PALS1: variants seen among roughly 807,000 people sequenced by gnomAD.
The protein encoded by PALS1 is protein PALS1.
A neutral mutation model predicts 78.9 loss-of-function variants in PALS1; 31 were observed. That is an observed-to-expected ratio of 0.39 (90% CI 0.30 to 0.53). The LOEUF (loss-of-function observed/expected upper bound fraction) is 0.53. PALS1 is among the 20% of genes least tolerant of loss of function. PALS1 has a pLI of 0.67. For missense variants in PALS1, 704 were observed against 826.5 expected, an observed-to-expected ratio of 0.85 and a Z score of 1.82; for synonymous variants, 276 against 270.9, an observed-to-expected ratio of 1.02 and a Z score of -0.18.
intron 3 of PALS1, among the ~76,000 whole-genome samples, chr14:67,290,263 TAAAG>T (rs1338745863): frequency 6.6e-6 from 1 of 151,986 alleles, no homozygotes; most frequent in Non-Finnish European, 1.5e-5. Context: ...GAGAAACTTT[TAAAG>T]AAAGATCAGG....
At chr14:67,281,325 A>T (rs2084606424) in intron 3 of PALS1, among the ~76,000 whole-genome samples, 1 of 152,212 alleles carries the variant, frequency 6.6e-6, no homozygotes, top group South Asian at 2.1e-4. Flanking sequence ...GTGTTCAGTC[A>T]TAGTGAAGTC....
At chr14:67,260,993 C>G (rs2084227242) in intron 1 of PALS1, among the ~76,000 whole-genome samples, 1 of 152,150 alleles carries the variant, frequency 6.6e-6, no homozygotes, top group South Asian at 2.1e-4. Flanking sequence ...GTCAAGCAGA[C>G]TCCAGGCCCT....
At chr14:67,246,657 T>G (rs1002584045) in intron 1 of PALS1, among the ~76,000 whole-genome samples, 20 of 148,164 alleles carry the variant, frequency 1.3e-4, no homozygotes, top group Non-Finnish European at 2.5e-4. Context: ...AGGTTTTTTT[T>G]TTTTTTTTTT....
intron 3 of PALS1, among the ~76,000 whole-genome samples, chr14:67,286,872 AAAG>A (rs1295650486): frequency 2.0e-5 from 3 of 151,002 alleles, no homozygotes; most frequent in African/African-American, 4.9e-5. Context: ...AAAAAAAAAA[AAAG>A]AAAAAAACTG....
At chr14:67,304,300 A>G (rs547138370) in intron 8 of PALS1, among the ~76,000 whole-genome samples, 1 of 152,302 alleles carries the variant, frequency 6.6e-6, no homozygotes, top group Admixed American at 6.5e-5. Context: ...CAAAGTATAT[A>G]TCCAAAAGGA....
rs148939224 is a variant in PALS1, at chr14:67,301,870, T to C, written c.655-102T>C. 4,462 of 1,265,924 alleles carry C rather than the reference T, an allele frequency of 3.5e-3. 17 individuals are homozygous for C. The highest frequency in any genetic ancestry group is 0.011 in the Admixed American group (397 of 37,522). The allele number at this position is 1,265,924 out of a possible 1,614,324, so 78.4% of individuals were successfully genotyped here. On this transcript the variant is annotated intron_variant, in intron 5 of 14. Coordinates refer to ENST00000261681, the MANE Select transcript of PALS1 (RefSeq NM_022474.4). ...TTAGCTCTAATTAATTATAACACTT[T>C]TAAAGATTTAATGGTCAGAATACTA...
intron 9 of PALS1, among the ~76,000 whole-genome samples, chr14:67,314,454 T>C (rs1162778020): frequency 6.6e-6 from 1 of 152,208 alleles, no homozygotes; most frequent in Non-Finnish European, 1.5e-5. Flanking sequence ...ATATCAGTCA[T>C]ATTTTAAGGA....
intron 14 of PALS1, among the ~76,000 whole-genome samples, chr14:67,324,568 TTTGTTG>T (rs139403910): frequency 0.02 from 3,050 of 152,154 alleles, 97 homozygotes; most frequent in African/African-American, 0.07. Context: ...GATTGTTTTT[TTTGTTG>T]TTGTTGTTGT....
intron 1 of PALS1, among the ~76,000 whole-genome samples, chr14:67,255,873 G>A (rs1220743957): frequency 6.6e-6 from 1 of 152,174 alleles, no homozygotes; most frequent in African/African-American, 2.4e-5. Flanking sequence ...TTTTAGTAGA[G>A]ACGGGGTTTC....
At chr14:67,245,507 A>G (rs902640597) in intron 1 of PALS1, among the ~76,000 whole-genome samples, 20 of 151,844 alleles carry the variant, frequency 1.3e-4, no homozygotes, top group Non-Finnish European at 2.4e-4. Context: ...ATTTATTATT[A>G]TCTTATTATT....
At chr14:67,274,246 C>A (rs1436642413) in intron 2 of PALS1, among the ~76,000 whole-genome samples, 4 of 152,124 alleles carry the variant, frequency 2.6e-5, no homozygotes, top group Middle Eastern at 3.4e-3. Flanking sequence ...TAGGGTTTTT[C>A]TGGTTTTAGG....
Position 67,279,446 on chromosome 14 carries a change from A to G in PALS1, c.276A>G (p.Gln92=). The part of the protein sequence containing the change: ...NSSMRLKKLA[Q]IPPKTGIDNP... Reference sequence around the variant, plus strand: ...CCATGAGACTTAAGAAACTAGCCCAAATTCCTCCAAAGACCGGAATAGATA... The same window carrying G: ...CCATGAGACTTAAGAAACTAGCCCAGATTCCTCCAAAGACCGGAATAGATA... Residue 92 remains glutamine, a synonymous_variant, in exon 3 of 15, where the codon CAA becomes CAG. Transcript: ENST00000261681. 6.2e-7 allele frequency: 1 copy of G among 1,613,418 alleles called. No individual in the cohort carries two copies. Among genetic ancestry groups the G allele is most frequent in the African/African-American group, 1.3e-5 (1 of 74,972 alleles).
chr14:67,282,375 G>A (rs2140712965), intron 3 of PALS1, among the ~76,000 whole-genome samples: 1 of 152,192 alleles, frequency 6.6e-6, no homozygotes, highest in African/African-American at 2.4e-5. Flanking sequence ...GGAAGAATGG[G>A]CAACTGATTT....
intron 8 of PALS1, among the ~76,000 whole-genome samples, chr14:67,304,551 A>G (rs1040989606): frequency 6.6e-6 from 1 of 152,236 alleles, no homozygotes; most frequent in Non-Finnish European, 1.5e-5. Flanking sequence ...AAAAGGCCAT[A>G]TATTGGTTCA....
At chr14:67,329,687 T>C (rs558781509) in intron 14 of PALS1, among the ~76,000 whole-genome samples, 308 of 152,188 alleles carry the variant, frequency 2.0e-3, no homozygotes, top group African/African-American at 7.0e-3. Context: ...GAGACCAGCC[T>C]GGGCAACATA....
At chr14:67,316,062 G>C (rs1595610763) in intron 9 of PALS1, among the ~76,000 whole-genome samples, 1 of 152,108 alleles carries the variant, frequency 6.6e-6, no homozygotes, top group South Asian at 2.1e-4. Context: ...TGATTTTTAA[G>C]AATCTCTGGC....
chr14:67,263,049 AT>A (rs1297760427), intron 1 of PALS1, among the ~76,000 whole-genome samples: 9 of 152,182 alleles, frequency 5.9e-5, no homozygotes, highest in African/African-American at 2.2e-4. Flanking sequence ...GTAACCAACC[AT>A]TTGATATCCT....
chr14:67,264,384 C>T (rs1056468066), intron 1 of PALS1, among the ~76,000 whole-genome samples: 3 of 152,000 alleles, frequency 2.0e-5, no homozygotes, highest in Admixed American at 1.3e-4. Context: ...GATGTAATCT[C>T]ATTCGTCTGT....
At chr14:67,300,263 A>G (rs1473732) in intron 4 of PALS1, among the ~76,000 whole-genome samples, 46,724 of 151,572 alleles carry the variant, frequency 0.31, 11,007 homozygotes, top group African/African-American at 0.64. Context: ...GTTTCATAGG[A>G]AAATTACTGA....
Sources: gnomAD v4.1 joint callset for allele counts (sites outside exome capture counted in the v4.1 genomes callset) on GRCh38, gnomAD v4.1.1 for gene constraint, MANE v1.5 for transcripts, NCBI Gene and HGNC (gene_info 2026-07-23, HGNC 2026-07-21) for gene names.